PREX1: variants seen among roughly 807,000 people sequenced by gnomAD.
The protein encoded by PREX1 is phosphatidylinositol-3,4,5-trisphosphate dependent Rac exchange factor 1, also known as phosphatidylinositol 3,4,5-trisphosphate-dependent Rac exchanger 1 protein.
PREX1 carries 41 observed loss-of-function variants against 198.3 expected under a neutral mutation model. The observed-to-expected ratio is 0.21, with a 90% CI of 0.16 to 0.27. The LOEUF is 0.27. Among genes scored for constraint, PREX1 ranks in the 10% least tolerant of loss-of-function variants. The pLI is 1.00. For synonymous variants in PREX1, 843 were observed against 887.2 expected, an observed-to-expected ratio of 0.95 and a Z score of 0.89; for missense variants, 1,620 against 2,200.7, an observed-to-expected ratio of 0.74 and a Z score of 5.28.
chr20:48,813,794 G>A (rs2090447085), intron 1 of PREX1, among the ~76,000 whole-genome samples: 1 of 152,166 alleles, frequency 6.6e-6, no homozygotes, highest in African/African-American at 2.4e-5. Flanking sequence ...CCATATGTGT[G>A]TAGAAATGAA....
Position 48,651,602 on chromosome 20 carries a change from G to A in PREX1, c.2468-19C>T. 1 of 1,609,410 alleles carries A rather than the reference G, an allele frequency of 6.2e-7. No individual in the cohort carries two copies. The highest frequency in any genetic ancestry group is 8.5e-7 in the Non-Finnish European group (1 of 1,177,610). On this transcript the variant is annotated intron_variant, in intron 21 of 39. Transcript: ENST00000371941. ...GGGAAGGCTGGAAGCCAAAAGAGGT[G>A]ACATCTGAGCAGAGATCAGAGGGAG...
chr20:48,632,686 CA>C (rs2089324901), intron 33 of PREX1, 47 bp from the exon 34 acceptor site: 12 of 1,605,744 alleles, frequency 7.5e-6, no homozygotes, highest in Non-Finnish European at 9.4e-6. Context: ...AGGCCAAGGC[CA>C]GGGGAAGCCC....
At chr20:48,642,365 G>T (rs540475903) in intron 28 of PREX1, 42 bp downstream of exon 28, 21 of 1,606,662 alleles carry the variant, frequency 1.3e-5, no homozygotes, top group Non-Finnish European at 1.4e-5. Flanking sequence ...GGTGTGACAG[G>T]AGGAACCCAA....
At chr20:48,713,542 C>T (rs1163685165) in intron 5 of PREX1, among the ~76,000 whole-genome samples, 1 of 152,076 alleles carries the variant, frequency 6.6e-6, no homozygotes, top group Non-Finnish European at 1.5e-5. Context: ...CAAGACCAGC[C>T]TGGGCAACAC....
At chr20:48,634,903 C>T (rs1051598280) in intron 32 of PREX1, 128 bp from the exon 33 acceptor site, 24 of 707,428 alleles carry the variant, frequency 3.4e-5, no homozygotes, top group Admixed American at 6.4e-5. Flanking sequence ...AGGTCCTGAG[C>T]GTGACTCTCC....
chr20:48,633,346 A>C (rs116263508), intron 33 of PREX1, among the ~76,000 whole-genome samples: 1 of 152,240 alleles, frequency 6.6e-6, no homozygotes. Flanking sequence ...TTCCTCTTTT[A>C]ATGTATAATA....
chr20:48,752,944 T>G (rs992783986), intron 1 of PREX1, among the ~76,000 whole-genome samples: 1 of 152,214 alleles, frequency 6.6e-6, no homozygotes, highest in African/African-American at 2.4e-5. Flanking sequence ...CAGGTGTAAG[T>G]TCTTTCAGCT....
At chr20:48,819,431 C>G (rs768606362) in intron 1 of PREX1, among the ~76,000 whole-genome samples, 2 of 152,230 alleles carry the variant, frequency 1.3e-5, no homozygotes, top group Non-Finnish European at 2.9e-5. Flanking sequence ...CAAATGTCAT[C>G]TCCCTAGAAA....
chr20:48,855,565 G>T, the PREX1 span, among the ~76,000 whole-genome samples: 26,257 of 152,086 alleles, frequency 0.17, 2,316 homozygotes, highest in Non-Finnish European at 0.19. Flanking sequence ...ACATTCTTCA[G>T]CTCATGGAGC....
chr20:48,866,942 C>T, the PREX1 span, among the ~76,000 whole-genome samples: 2 of 152,070 alleles, frequency 1.3e-5, no homozygotes, highest in African/African-American at 4.8e-5. Flanking sequence ...AAAAAAGAAT[C>T]GCTTGCTCTT....
chr20:48,816,921 C>A (rs1044395420), intron 1 of PREX1, among the ~76,000 whole-genome samples: 1 of 152,172 alleles, frequency 6.6e-6, no homozygotes, highest in Non-Finnish European at 1.5e-5. Flanking sequence ...TATTTTAAGC[C>A]ACTAAATGTG....
chr20:48,692,590 A>C (rs185217397), intron 8 of PREX1, 82 bp downstream of exon 8: 77 of 1,178,424 alleles, frequency 6.5e-5, no homozygotes, highest in Admixed American at 1.3e-4. Flanking sequence ...AAAGAAAAAA[A>C]TATATTTAAA....
At chr20:48,730,447 A>G (rs1279008615) in intron 4 of PREX1, among the ~76,000 whole-genome samples, 4 of 144,124 alleles carry the variant, frequency 2.8e-5, no homozygotes, top group Non-Finnish European at 4.5e-5. Flanking sequence ...ACACACACAC[A>G]CGCACATCCT....
At chr20:48,725,988 G>A (rs2090008135) in intron 5 of PREX1, among the ~76,000 whole-genome samples, 1 of 152,230 alleles carries the variant, frequency 6.6e-6, no homozygotes, top group African/African-American at 2.4e-5. Context: ...GATAGCCAAA[G>A]ACAGAATGAA....
the PREX1 span, among the ~76,000 whole-genome samples, chr20:48,877,130 G>A: frequency 2.6e-5 from 4 of 152,204 alleles, no homozygotes; most frequent in East Asian, 1.9e-4. Flanking sequence ...TTAGCCAGGC[G>A]TGGTGATTCA....
intron 1 of PREX1, among the ~76,000 whole-genome samples, chr20:48,771,697 C>T (rs778448890): frequency 9.2e-5 from 14 of 152,130 alleles, no homozygotes; most frequent in Non-Finnish European, 2.1e-4. Flanking sequence ...CATCACCATG[C>T]GGAGGAGGAA....
At chr20:48,629,381 G>C (rs2089296329) in intron 37 of PREX1, 68 bp downstream of exon 37, 2 of 1,558,090 alleles carry the variant, frequency 1.3e-6, no homozygotes, top group African/African-American at 1.4e-5. Context: ...CCTTGCCACA[G>C]GACCCCAAAC....
At chr20:48,858,301 G>A in the PREX1 span, among the ~76,000 whole-genome samples, 235 of 152,334 alleles carry the variant, frequency 1.5e-3, 1 homozygote, top group African/African-American at 5.3e-3. Context: ...GCCTTGGGCT[G>A]TCAAGTGACT....
chr20:48,828,135 C>T (rs2090519906), upstream of PREX1, among the ~76,000 whole-genome samples: 1 of 149,876 alleles, frequency 6.7e-6, no homozygotes, highest in South Asian at 2.1e-4. Flanking sequence ...AGTGCCACGC[C>T]GCGCTCGGCC....
Sources: gnomAD v4.1 joint callset for allele counts (sites outside exome capture counted in the v4.1 genomes callset) on GRCh38, gnomAD v4.1.1 for gene constraint, MANE v1.5 for transcripts, NCBI Gene and HGNC (gene_info 2026-07-23, HGNC 2026-07-21) for gene names.